FHIT: variants seen among roughly 807,000 people sequenced by gnomAD.
FHIT encodes bis(5'-adenosyl)-triphosphatase.
In FHIT, 19 loss-of-function variants were observed where a neutral mutation model predicts 17.9. That is an observed-to-expected ratio of 1.06 (90% CI 0.74 to 1.56). The LOEUF (loss-of-function observed/expected upper bound fraction) is 1.56. FHIT is among the 40% of genes most tolerant of loss of function. The probability of loss-of-function intolerance (pLI) is 0.00; values close to 1 mark genes in which losing one functional copy is unlikely to be tolerated. For synonymous variants in FHIT, 81 were observed against 69.7 expected, an observed-to-expected ratio of 1.16 and a Z score of -0.81; for missense variants, 248 against 189.2, an observed-to-expected ratio of 1.31 and a Z score of -1.82.
At chr3:60,758,775 G>A (rs950886014) in intron 4 of FHIT, among the ~76,000 whole-genome samples, 35 of 152,244 alleles carry the variant, frequency 2.3e-4, no homozygotes, top group African/African-American at 8.2e-4. Context: ...AAAACAAAAT[G>A]CCTACTCTCT....
intron 5 of FHIT, among the ~76,000 whole-genome samples, chr3:60,159,927 G>A (rs1470070887): frequency 6.6e-6 from 1 of 152,160 alleles, no homozygotes; most frequent in African/African-American, 2.4e-5. Flanking sequence ...GCAAACGAGA[G>A]TCATAATTTG....
At chr3:61,148,557 C>A (rs540343753) in intron 2 of FHIT, among the ~76,000 whole-genome samples, 7 of 152,158 alleles carry the variant, frequency 4.6e-5, no homozygotes, top group Admixed American at 1.3e-4. Flanking sequence ...TTGGTGAGTA[C>A]CACCTCATTG....
chr3:60,920,522 C>T (rs1341584195), intron 3 of FHIT, among the ~76,000 whole-genome samples: 1 of 151,994 alleles, frequency 6.6e-6, no homozygotes, highest in African/African-American at 2.4e-5. Context: ...TAAAGGCCTC[C>T]TTCAGAAGGT....
At chr3:60,848,874 C>T (rs1157448777) in intron 3 of FHIT, among the ~76,000 whole-genome samples, 2 of 152,032 alleles carry the variant, frequency 1.3e-5, no homozygotes, top group African/African-American at 4.8e-5. Context: ...CCAAATACCA[C>T]CCAATTCCAT....
chr3:60,441,758 A>ATT (rs1323448311), intron 5 of FHIT, among the ~76,000 whole-genome samples: 289 of 22,642 alleles, frequency 0.013, 7 homozygotes, highest in African/African-American at 0.044. Context: ...ATATATAAAA[A>ATT]TATATATATA....
chr3:60,666,710 C>T (rs2040388696), intron 4 of FHIT, among the ~76,000 whole-genome samples: 1 of 152,098 alleles, frequency 6.6e-6, no homozygotes. Flanking sequence ...CCTCTATCAC[C>T]CAGGCTGGAG....
intron 4 of FHIT, among the ~76,000 whole-genome samples, chr3:60,603,990 C>T (rs1027588787): frequency 2.2e-4 from 33 of 152,230 alleles, no homozygotes; most frequent in African/African-American, 7.5e-4. Context: ...GACGAAGAGA[C>T]TAAGAACAGC....
intron 7 of FHIT, among the ~76,000 whole-genome samples, chr3:60,008,773 G>A (rs551720740): frequency 2.0e-5 from 3 of 152,302 alleles, no homozygotes; most frequent in Admixed American, 1.3e-4. Flanking sequence ...GGCTTGAATT[G>A]TAGTATTCAC....
chr3:60,193,396 T>G (rs1049174859), intron 5 of FHIT, among the ~76,000 whole-genome samples: 1 of 152,170 alleles, frequency 6.6e-6, no homozygotes, highest in Non-Finnish European at 1.5e-5. Flanking sequence ...GAGGAGACAA[T>G]GAGACTCTAC....
At chr3:60,595,732 C>G (rs940747066) in intron 4 of FHIT, among the ~76,000 whole-genome samples, 89 of 152,066 alleles carry the variant, frequency 5.9e-4, no homozygotes, top group African/African-American at 2.0e-3. Flanking sequence ...AAGCCTCAAA[C>G]TCCTGGGCTC....
intron 5 of FHIT, among the ~76,000 whole-genome samples, chr3:60,263,606 A>T (rs1444583448): frequency 6.6e-6 from 1 of 151,958 alleles, no homozygotes; most frequent in Non-Finnish European, 1.5e-5. Flanking sequence ...CAAAATACTT[A>T]AAAAGCCAAA....
intron 3 of FHIT, among the ~76,000 whole-genome samples, chr3:61,003,144 T>C (rs1045044022): frequency 6.6e-6 from 1 of 152,178 alleles, no homozygotes; most frequent in Admixed American, 6.5e-5. Context: ...ATAAATAATT[T>C]ATTGTCTATA....
At chr3:61,151,185 C>T (rs1290658717) in intron 2 of FHIT, among the ~76,000 whole-genome samples, 1 of 152,176 alleles carries the variant, frequency 6.6e-6, no homozygotes, top group East Asian at 1.9e-4. Context: ...TCCCTGTGGC[C>T]TACCGAAGTG....
chr3:61,007,061 T>C (rs2031501139), intron 3 of FHIT, among the ~76,000 whole-genome samples: 1 of 152,202 alleles, frequency 6.6e-6, no homozygotes, highest in Non-Finnish European at 1.5e-5. Flanking sequence ...AAGCTTATCA[T>C]AGAAAAGTCT....
intron 3 of FHIT, among the ~76,000 whole-genome samples, chr3:60,885,376 A>C (rs1705177559): frequency 1.3e-5 from 2 of 152,308 alleles, no homozygotes; most frequent in South Asian, 4.1e-4. Context: ...TCTTTAATAA[A>C]TTAAACTTTT....
At chr3:60,526,792 C>T (rs536724788) in intron 5 of FHIT, among the ~76,000 whole-genome samples, 44 of 152,260 alleles carry the variant, frequency 2.9e-4, no homozygotes, top group Non-Finnish European at 5.3e-4. Flanking sequence ...GCCTGCAGGT[C>T]CTACAGCTTC....
At chr3:60,498,832 A>T (rs1296060663) in intron 5 of FHIT, among the ~76,000 whole-genome samples, 1 of 150,482 alleles carries the variant, frequency 6.6e-6, no homozygotes, top group East Asian at 2.0e-4. Context: ...TTTAAGCTCA[A>T]CTTAAAAAAA....
At chr3:61,122,264 C>T (rs1402732166) in intron 2 of FHIT, among the ~76,000 whole-genome samples, 1 of 152,206 alleles carries the variant, frequency 6.6e-6, no homozygotes, top group African/African-American at 2.4e-5. Context: ...AAAGGATTCT[C>T]TATTTAATAA....
At position 60,179,400 on chromosome 3, in the gene FHIT, T is replaced by C. The variant is rs967945304; in HGVS notation, c.104-165248A>G. On this transcript the variant is annotated intron_variant, in intron 5 of 9. Transcript: ENST00000492590. ...AAGCAAAACCATTTTGAAATATCTG[T>C]CCTGTGTGACATCACAATATTGTTA... 6.6e-5 allele frequency among the ~76,000 whole-genome samples: 10 copies of C among 152,208 alleles called. 1 individual carries two copies. The highest frequency in any genetic ancestry group is 1.5e-5 in the Non-Finnish European group (1 of 68,044).
Sources: allele counts gnomAD v4.1 joint callset (sites outside exome capture counted in the v4.1 genomes callset), GRCh38; gene constraint gnomAD v4.1.1; transcripts MANE v1.5; gene names NCBI Gene and HGNC (gene_info 2026-07-23, HGNC 2026-07-21).